FAM153A: variants seen among roughly 807,000 people sequenced by gnomAD.
FAM153A encodes protein FAM153A.
Under a neutral mutation model 48.1 loss-of-function variants are expected in FAM153A, and 12 were observed. That is an observed-to-expected ratio of 0.25 (90% CI 0.16 to 0.40). The LOEUF is 0.40. FAM153A is among the 10% of genes least tolerant of loss of function. The pLI is 1.00. For synonymous variants in FAM153A, 36 were observed against 118.2 expected (o/e 0.30, Z 4.51); for missense variants, 111 against 345.8 (o/e 0.32, Z 5.38).
the FAM153A span, among the ~76,000 whole-genome samples, chr5:177,702,551 T>C: frequency 2.6e-4 from 40 of 152,012 alleles, 1 homozygote; most frequent in Middle Eastern, 3.4e-3. Flanking sequence ...TGCCAAGTGC[T>C]AATAGCCAAG....
At chr5:177,696,086 C>T in the FAM153A span, among the ~76,000 whole-genome samples, 83 of 139,952 alleles carry the variant, frequency 5.9e-4, no homozygotes, top group African/African-American at 1.9e-3. Flanking sequence ...CGGGCAGAGG[C>T]GCTCCTCACT....
At chr5:177,778,761 A>T (rs1373866137) in intron 1 of FAM153A, among the ~76,000 whole-genome samples, 2 of 98,590 alleles carry the variant, frequency 2.0e-5, no homozygotes, top group East Asian at 5.9e-4. Context: ...CTGGCAACAG[A>T]GGGGGACCTG....
In FAM153A at chr5:177,728,836, G is replaced by A. The variant is rs568984520; in HGVS notation, c.964+187C>T. 1.7e-4 allele frequency among the ~76,000 whole-genome samples: 25 copies of A among 148,150 alleles called. 1 individual carries two copies. The highest frequency in any genetic ancestry group is 7.4e-4 in the Admixed American group (11 of 14,860). ...CCCGTCTCCGCCTCTCAAGGTGCTG[G>A]GATTACAGGCGTGAGCCACTGTGCC... On this transcript the variant is annotated intron_variant, in intron 18 of 20. Coordinates refer to ENST00000614127, the Ensembl canonical transcript of FAM153A.
rs1270127471 is a variant in FAM153A, at chr5:177,770,907, A to G, written c.-57+9542T>C. ...ATTTTGCTGTGAACCTAAAACTGCT[A>G]TAAGAAATAGAGTTATTGATTTAAA... On this transcript the variant is annotated intron_variant, in intron 1 of 8. Transcript: ENST00000393518. 2.0e-5 allele frequency among the ~76,000 whole-genome samples: 2 copies of G among 99,020 alleles called. 1 individual carries two copies. Among genetic ancestry groups the G allele is most frequent in the African/African-American group, 7.9e-5 (2 of 25,250 alleles). 65.0% of individuals were successfully genotyped at this position (99,020 alleles called of 152,430 possible).
intron 10 of FAM153A, among the ~76,000 whole-genome samples, chr5:177,737,973 A>T (rs1764946919): frequency 6.6e-6 from 1 of 151,702 alleles, no homozygotes; most frequent in Non-Finnish European, 1.5e-5. Context: ...GATGACTGCT[A>T]CTTGGCCCGT....
At position 177,714,204 on chromosome 5, in the gene FAM153A, T is replaced by C. The variant is rs536030097; in HGVS notation, c.*1223-288A>G. On this transcript the variant is annotated intron_variant and NMD_transcript_variant, in intron 25 of 26. Transcript: ENST00000360669. ...TAATTACAAAAAAGGGATTGATTTA[T>C]GAAAAGCAATATATTAACAAATAGC... The C allele has an allele frequency of 2.9e-3, 443 of 150,722 alleles. 11 individuals carry two copies. Among genetic ancestry groups the C allele is most frequent in the African/African-American group, 0.01 (411 of 40,668 alleles). The allele number at this position is 150,722 out of a possible 1,614,324, so 9.3% of individuals were successfully genotyped here. A position where few individuals can be genotyped will look rare whatever the true frequency, so the allele number is the denominator to read the frequency against.
chr5:177,751,572 T>C (rs1766904468), intron 1 of FAM153A, among the ~76,000 whole-genome samples: 1 of 138,144 alleles, frequency 7.2e-6, no homozygotes, highest in African/African-American at 2.8e-5. Flanking sequence ...GCTAAAATTC[T>C]TTTCATTCTT....
At chr5:177,714,301 G>A (rs1759154530) in intron 25 of FAM153A, 1 of 149,780 alleles carries the variant, frequency 6.7e-6, no homozygotes, top group Admixed American at 6.8e-5. Context: ...ACTTACCTAA[G>A]TTTTCCCAGG....
At chr5:177,694,974 A>T in the FAM153A span, among the ~76,000 whole-genome samples, 2 of 151,238 alleles carry the variant, frequency 1.3e-5, no homozygotes, top group East Asian at 3.9e-4. Flanking sequence ...CCCAGGCTGG[A>T]GTACAGTGGC....
chr5:177,697,639 C>T, the FAM153A span, among the ~76,000 whole-genome samples: 1 of 151,876 alleles, frequency 6.6e-6, no homozygotes, highest in East Asian at 1.9e-4. Flanking sequence ...TTCTGTACTT[C>T]AGCAGTCCTA....
At chr5:177,719,214 A>G (rs1347191593), downstream of FAM153A, among the ~76,000 whole-genome samples, 2 of 151,394 alleles carry the variant, frequency 1.3e-5, no homozygotes, top group African/African-American at 2.5e-5. Context: ...GAAAACTGTT[A>G]TAACTTCAGT....
the FAM153A span, among the ~76,000 whole-genome samples, chr5:177,698,476 A>G: frequency 6.6e-6 from 1 of 151,846 alleles, no homozygotes; most frequent in Non-Finnish European, 1.5e-5. Context: ...AGATTCAGTG[A>G]TGGCCTTTAC....
intron 1 of FAM153A, among the ~76,000 whole-genome samples, chr5:177,770,531 C>A (rs1769056942): frequency 1.0e-5 from 1 of 96,290 alleles, no homozygotes. Flanking sequence ...ATATGACTCT[C>A]CTGAAAAAAG....
chr5:177,771,304 C>A lies in FAM153A; in HGVS notation c.-57+9145G>T, dbSNP rs4336374. Among the ~76,000 whole-genome samples the A allele has an allele frequency of 7.3e-5, 7 of 96,394 alleles. 1 individual carries two copies. The highest frequency in any genetic ancestry group is 2.1e-4 in the African/African-American group (5 of 24,276). 63.2% of individuals were successfully genotyped at this position (96,394 alleles called of 152,430 possible). Reference sequence around the variant, plus strand: ...AATTATTATGCTTATTCAATTTAACCCTTTCACTGAAAGGTTAAAGAGATA... The same window carrying A: ...AATTATTATGCTTATTCAATTTAACACTTTCACTGAAAGGTTAAAGAGATA... On this transcript the variant is annotated intron_variant, in intron 1 of 8. Transcript: ENST00000393518.
intron 18 of FAM153A, among the ~76,000 whole-genome samples, chr5:177,728,376 G>T (rs1415724972): frequency 1.3e-5 from 2 of 149,264 alleles, no homozygotes; most frequent in Non-Finnish European, 2.9e-5. Flanking sequence ...TTTGAACATG[G>T]GAGTATGTTT....
downstream of FAM153A, among the ~76,000 whole-genome samples, chr5:177,710,871 A>C (rs2127550748): frequency 6.8e-6 from 1 of 148,068 alleles, no homozygotes; most frequent in African/African-American, 2.5e-5. Flanking sequence ...TGGCCAGGCA[A>C]ACTCCTGACC....
rs1483860672 is a variant in FAM153A, at chr5:177,772,283, G to C, written c.-57+8166C>G. On this transcript the variant is annotated intron_variant, in intron 1 of 8. Transcript: ENST00000393518. ...AAGATGGCCGAATAGGAACAGCTCC[G>C]GTCTACAGCTCCCAGCGTGAGCGAC... Among the ~76,000 whole-genome samples the C allele has an allele frequency of 2.2e-5, 2 of 92,144 alleles. 1 individual carries two copies. Among genetic ancestry groups the C allele is most frequent in the African/African-American group, 8.7e-5 (2 of 22,902 alleles). 60.5% of individuals were successfully genotyped at this position (92,144 alleles called of 152,430 possible).
At chr5:177,770,680 T>C (rs567423292) in intron 1 of FAM153A, among the ~76,000 whole-genome samples, 1,007 of 95,194 alleles carry the variant, frequency 0.011, 309 homozygotes, top group African/African-American at 0.041. Context: ...CATGTCATTA[T>C]ACATTTGTCC....
intron 4 of FAM153A, among the ~76,000 whole-genome samples, chr5:177,746,841 GCTGTGT>G (rs1343226439): frequency 6.6e-6 from 1 of 151,040 alleles, no homozygotes. Context: ...CTTGTTGGGT[GCTGTGT>G]CTTGGGTATG....
Sources: gnomAD v4.1 joint callset for allele counts (sites outside exome capture counted in the v4.1 genomes callset) on GRCh38, gnomAD v4.1.1 for gene constraint, MANE v1.5 for transcripts, NCBI Gene and HGNC (gene_info 2026-07-23, HGNC 2026-07-21) for gene names.